The following ARHGAP26 variants were observed in gnomAD, a reference collection of about 807,000 sequenced individuals.
The protein encoded by ARHGAP26 is Rho GTPase activating protein 26.
In ARHGAP26, 38 loss-of-function variants were observed where a neutral mutation model predicts 104.8. The observed-to-expected ratio is 0.36, with a 90% CI of 0.28 to 0.48. The LOEUF (loss-of-function observed/expected upper bound fraction) is 0.48, where lower values mean the gene tolerates loss of function less well. ARHGAP26 is among the 20% of genes least tolerant of loss of function. ARHGAP26 has a pLI of 0.99. For missense variants in ARHGAP26, 704 were observed against 947.9 expected (o/e 0.74, Z 3.38); for synonymous variants, 341 against 340.0 (o/e 1.00, Z -0.03).
chr5:142,924,486 C>T (rs1763629376), intron 10 of ARHGAP26, among the ~76,000 whole-genome samples: 1 of 152,224 alleles, frequency 6.6e-6, no homozygotes, highest in Admixed American at 6.5e-5. Flanking sequence ...GTAGTGTCTA[C>T]TTCATACAGT....
chr5:142,857,597 T>C (rs955087635), intron 1 of ARHGAP26, among the ~76,000 whole-genome samples: 3 of 152,118 alleles, frequency 2.0e-5, no homozygotes, highest in Non-Finnish European at 4.4e-5. Flanking sequence ...CACCTTGATA[T>C]AGGAGGAAGT....
chr5:142,850,290 C>A (rs1012154416), intron 1 of ARHGAP26, among the ~76,000 whole-genome samples: 1 of 152,172 alleles, frequency 6.6e-6, no homozygotes, highest in East Asian at 1.9e-4. Context: ...CCTTTGTGAC[C>A]AGTTTAACTC....
intron 20 of ARHGAP26, among the ~76,000 whole-genome samples, chr5:143,191,248 A>G (rs1805883769): frequency 6.6e-6 from 1 of 152,236 alleles, no homozygotes; most frequent in South Asian, 2.1e-4. Flanking sequence ...AATGTTGATA[A>G]CTGTTGTTGT....
At chr5:142,773,988 C>T (rs1162317394) in intron 1 of ARHGAP26, among the ~76,000 whole-genome samples, 1 of 152,166 alleles carries the variant, frequency 6.6e-6, no homozygotes, top group African/African-American at 2.4e-5. Flanking sequence ...AATACATAAG[C>T]GCTTCTTGAA....
At chr5:143,131,146 T>C (rs569238588) in intron 18 of ARHGAP26, among the ~76,000 whole-genome samples, 1 of 152,314 alleles carries the variant, frequency 6.6e-6, no homozygotes, top group South Asian at 2.1e-4. Flanking sequence ...CAGAGTGAAC[T>C]TCTCCCTTGT....
At chr5:143,162,779 C>G (rs1473146752) in intron 20 of ARHGAP26, among the ~76,000 whole-genome samples, 1 of 152,284 alleles carries the variant, frequency 6.6e-6, no homozygotes, top group East Asian at 1.9e-4. Flanking sequence ...CCAGAATCGG[C>G]CAGCTCTGAC....
At chr5:142,821,842 C>T (rs997393719) in intron 1 of ARHGAP26, among the ~76,000 whole-genome samples, 3 of 152,160 alleles carry the variant, frequency 2.0e-5, no homozygotes, top group Admixed American at 1.3e-4. Context: ...TAATAGTTCT[C>T]ATCTTTGCCC....
intron 20 of ARHGAP26, among the ~76,000 whole-genome samples, chr5:143,189,283 T>C (rs1461341309): frequency 6.6e-6 from 1 of 152,198 alleles, no homozygotes; most frequent in Admixed American, 6.5e-5. Context: ...GTTAGCTTTG[T>C]TTTAATCCTA....
intron 18 of ARHGAP26, among the ~76,000 whole-genome samples, chr5:143,129,809 C>T (rs1158176422): frequency 1.3e-5 from 2 of 152,248 alleles, no homozygotes; most frequent in Non-Finnish European, 2.9e-5. Flanking sequence ...TTGCCACATA[C>T]TGCACTGAGC....
chr5:142,780,989 T>A (rs1757378682), intron 1 of ARHGAP26, among the ~76,000 whole-genome samples: 2 of 152,222 alleles, frequency 1.3e-5, no homozygotes, highest in Admixed American at 1.3e-4. Context: ...TTCCAGCTCC[T>A]GTTGATGTAG....
At chr5:142,778,123 CA>C (rs1756724576) in intron 1 of ARHGAP26, among the ~76,000 whole-genome samples, 1 of 152,186 alleles carries the variant, frequency 6.6e-6, no homozygotes, top group Non-Finnish European at 1.5e-5. Context: ...ATTTGCTGCA[CA>C]GCATATGGGC....
chr5:142,843,283 A>G (rs1771177081), intron 1 of ARHGAP26, among the ~76,000 whole-genome samples: 1 of 152,262 alleles, frequency 6.6e-6, no homozygotes, highest in Middle Eastern at 3.4e-3. Context: ...TGAGGCAAAG[A>G]GTGTGATCAC....
chr5:143,042,151 T>C (rs1783562661), intron 14 of ARHGAP26, among the ~76,000 whole-genome samples: 1 of 152,158 alleles, frequency 6.6e-6, no homozygotes, highest in South Asian at 2.1e-4. Context: ...AGTGCTCTGG[T>C]CCAAGTGGCA....
intron 17 of ARHGAP26, among the ~76,000 whole-genome samples, chr5:143,083,057 G>C (rs1288463036): frequency 7.1e-6 from 1 of 141,530 alleles, no homozygotes; most frequent in Admixed American, 6.8e-5. Context: ...TCTCAGCCGA[G>C]TATAATACAG....
At chr5:143,135,434 G>A (rs1054659265) in intron 19 of ARHGAP26, among the ~76,000 whole-genome samples, 1 of 152,164 alleles carries the variant, frequency 6.6e-6, no homozygotes, top group Non-Finnish European at 1.5e-5. Context: ...AAGGGACAGA[G>A]GCAGGACAGT....
intron 14 of ARHGAP26, among the ~76,000 whole-genome samples, chr5:143,049,119 C>G (rs1445004665): frequency 6.6e-6 from 1 of 152,014 alleles, no homozygotes; most frequent in African/African-American, 2.4e-5. Flanking sequence ...ATATTGGGGG[C>G]CACTGAAGGA....
At chr5:143,145,049 C>T (rs1385768977) in intron 19 of ARHGAP26, among the ~76,000 whole-genome samples, 1 of 152,218 alleles carries the variant, frequency 6.6e-6, no homozygotes, top group Non-Finnish European at 1.5e-5. Flanking sequence ...TTTCAAGATG[C>T]ATATTTGGCC....
intron 5 of ARHGAP26, 117 bp downstream of exon 5, chr5:142,885,516 G>A: frequency 2.4e-6 from 2 of 822,476 alleles, no homozygotes; most frequent in South Asian, 3.5e-5. Flanking sequence ...TGGGAAGCCA[G>A]GAGATTGCTC....
intron 20 of ARHGAP26, among the ~76,000 whole-genome samples, chr5:143,193,307 G>T (rs1806249283): frequency 6.9e-6 from 1 of 144,398 alleles, no homozygotes; most frequent in Non-Finnish European, 1.5e-5. Context: ...GAGTGCAGTG[G>T]CACGATCTCG....
Sources: gnomAD v4.1 joint callset for allele counts (sites outside exome capture counted in the v4.1 genomes callset) on GRCh38, gnomAD v4.1.1 for gene constraint, MANE v1.5 for transcripts, NCBI Gene and HGNC (gene_info 2026-07-23, HGNC 2026-07-21) for gene names.